The following LRP1B variants were observed in gnomAD, a reference collection of about 807,000 sequenced individuals.
LRP1B encodes low-density lipoprotein receptor-related protein 1B.
Under a neutral mutation model 556.6 loss-of-function variants are expected in LRP1B, and 217 were observed. The observed-to-expected ratio is 0.39, with a 90% CI of 0.35 to 0.44. The LOEUF (loss-of-function observed/expected upper bound fraction) is 0.44, where lower values mean the gene tolerates loss of function less well. Among genes scored for constraint, LRP1B ranks in the 20% least tolerant of loss-of-function variants. The pLI is 1.00. For missense variants in LRP1B, 5,053 were observed against 5,620.8 expected (o/e 0.90, Z 3.23); for synonymous variants, 2,047 against 1,865.8 (o/e 1.10, Z -2.50).
At chr2:140,668,203 G>A (rs979066230) in intron 41 of LRP1B, among the ~76,000 whole-genome samples, 1 of 151,400 alleles carries the variant, frequency 6.6e-6, no homozygotes, top group Admixed American at 6.6e-5. Flanking sequence ...CCAGCTGCTG[G>A]GGAGGCTGAG....
At position 141,263,087 on chromosome 2, in the gene LRP1B, C is replaced by A. The variant is rs368633170; in HGVS notation, c.344-8446G>T. Among the ~76,000 whole-genome samples the A allele has an allele frequency of 5.3e-5, 8 of 151,968 alleles. 1 individual carries two copies. In the East Asian group the frequency reaches 1.2e-3, roughly 22 times the overall value. On this transcript the variant is annotated intron_variant, in intron 3 of 90. Transcript: ENST00000389484. Reference sequence around the variant, plus strand: ...TTTTTCATGAGTTCCCTGCATATAGCTCTTCTACATATGTTGTTCAATTTA... The same window carrying A: ...TTTTTCATGAGTTCCCTGCATATAGATCTTCTACATATGTTGTTCAATTTA...
intron 11 of LRP1B, among the ~76,000 whole-genome samples, chr2:141,033,230 G>C (rs112084692): frequency 6.6e-6 from 1 of 152,018 alleles, no homozygotes; most frequent in South Asian, 2.1e-4. Context: ...AGGTGGCTAG[G>C]CAGAGAGAGC....
chr2:141,319,315 T>G lies in LRP1B; in HGVS notation c.344-64674A>C, dbSNP rs1045184627. ...AAAAGCAGTGTTTTTTTGTTGTTTT[T>G]TTTTTTTTTCCTACTCTTACTTGAA... is the stretch of plus-strand genomic sequence containing the variant. On this transcript the variant is annotated intron_variant, in intron 3 of 90. Transcript: ENST00000389484. Among the ~76,000 whole-genome samples the G allele has an allele frequency of 1.8e-4, 26 of 144,648 alleles. 1 individual carries two copies. The East Asian group carries it at 1.9e-3, about 11-fold the overall frequency. The allele number at this position is 144,648 out of a possible 152,430, so 94.9% of individuals were successfully genotyped here.
At chr2:140,362,611 T>C (rs185528296) in intron 72 of LRP1B, among the ~76,000 whole-genome samples, 1 of 151,730 alleles carries the variant, frequency 6.6e-6, no homozygotes, top group East Asian at 1.9e-4. Context: ...GAGTAAGCCA[T>C]GGTTTGCTCT....
chr2:141,853,238 C>T (rs1353240046), intron 1 of LRP1B, among the ~76,000 whole-genome samples: 3 of 151,304 alleles, frequency 2.0e-5, no homozygotes, highest in Non-Finnish European at 4.4e-5. Flanking sequence ...CATTTATTGA[C>T]GTATCTGGGA....
chr2:141,723,856 G>C (rs186225513), intron 2 of LRP1B, among the ~76,000 whole-genome samples: 2 of 151,180 alleles, frequency 1.3e-5, no homozygotes, highest in Admixed American at 6.6e-5. Flanking sequence ...AAAATCAAAA[G>C]GAAAAATATA....
intron 3 of LRP1B, among the ~76,000 whole-genome samples, chr2:141,309,714 G>A (rs1383257073): frequency 1.3e-5 from 2 of 152,098 alleles, no homozygotes; most frequent in African/African-American, 2.4e-5. Context: ...GGCCAGTTCG[G>A]GGGTAGAGGG....
chr2:140,289,825 CATTG>C lies in LRP1B; in HGVS notation c.12967+7979_12967+7982del, dbSNP rs947527525. Among the ~76,000 whole-genome samples, 50 of 152,086 alleles carry C rather than the reference CATTG, an allele frequency of 3.3e-4. 1 individual carries two copies. The highest frequency in any genetic ancestry group is 1.2e-3 in the African/African-American group (50 of 41,542). On this transcript the variant is annotated intron_variant, in intron 84 of 90. Transcript: ENST00000389484. ...AAAATATATGTATCTATTCCCTTCACATTGATTAAAATCTAATTTTATTTTTACA... is the reference window on the plus strand; with the variant it reads ...AAAATATATGTATCTATTCCCTTCACATTAAAATCTAATTTTATTTTTACA...
At chr2:140,934,611 T>G (rs1239531657) in intron 20 of LRP1B, among the ~76,000 whole-genome samples, 1 of 152,136 alleles carries the variant, frequency 6.6e-6, no homozygotes, top group East Asian at 1.9e-4. Flanking sequence ...CAATCAGGCC[T>G]GTATTCCTGG....
intron 66 of LRP1B, among the ~76,000 whole-genome samples, chr2:140,434,855 A>G (rs1426584638): frequency 2.0e-5 from 3 of 152,194 alleles, no homozygotes; most frequent in Admixed American, 6.5e-5. Flanking sequence ...TTTCATAGCG[A>G]AATCTAACAC....
At position 140,387,049 on chromosome 2, in the gene LRP1B, GAATTA is replaced by G. The variant is rs1183867749; in HGVS notation, c.10415-1045_10415-1041del. 2.6e-5 allele frequency among the ~76,000 whole-genome samples: 4 copies of G among 152,196 alleles called. No homozygotes were observed. The South Asian group carries it at 6.2e-4, about 24-fold the overall frequency. ...CAAGGTTCTAAAGTATCAAAATTATGAATTAAATAACACTAAAATGATAAAATTAT... is the reference window on the plus strand; with the variant it reads ...CAAGGTTCTAAAGTATCAAAATTATGAATAACACTAAAATGATAAAATTAT... On this transcript the variant is annotated intron_variant, in intron 66 of 90. Coordinates refer to ENST00000389484, the MANE Select transcript of LRP1B (RefSeq NM_018557.3).
chr2:140,524,538 A>C (rs1905927), intron 49 of LRP1B, among the ~76,000 whole-genome samples: 106,168 of 151,656 alleles, frequency 0.7, 37,876 homozygotes, highest in Middle Eastern at 0.86. Flanking sequence ...CAAATATATT[A>C]AATTAATGTA....
intron 1 of LRP1B, among the ~76,000 whole-genome samples, chr2:141,987,369 A>G (rs937480264): frequency 1.3e-5 from 2 of 151,836 alleles, no homozygotes; most frequent in African/African-American, 4.8e-5. Flanking sequence ...TTTGCATCTT[A>G]AGCTCACTGA....
At chr2:140,560,445 A>C (rs1383568776) in intron 43 of LRP1B, among the ~76,000 whole-genome samples, 1 of 152,194 alleles carries the variant, frequency 6.6e-6, no homozygotes, top group Non-Finnish European at 1.5e-5. Context: ...AAGCTTGGTC[A>C]AGGTTCTATA....
intron 1 of LRP1B, among the ~76,000 whole-genome samples, chr2:141,911,473 C>A (rs1170007030): frequency 1.3e-5 from 2 of 152,144 alleles, no homozygotes; most frequent in Non-Finnish European, 2.9e-5. Flanking sequence ...CTGTTAAGCT[C>A]AAAACCCAGC....
At chr2:141,778,732 T>C (rs545460249) in intron 2 of LRP1B, among the ~76,000 whole-genome samples, 2 of 152,352 alleles carry the variant, frequency 1.3e-5, no homozygotes, top group South Asian at 4.1e-4. Context: ...TTGGAACTTC[T>C]CTTCCTTGCT....
chr2:141,680,146 T>TGA (rs1421846162), intron 2 of LRP1B, among the ~76,000 whole-genome samples: 1 of 152,028 alleles, frequency 6.6e-6, no homozygotes, highest in Non-Finnish European at 1.5e-5. Context: ...TTCAATATAT[T>TGA]AAAGATATTT....
At chr2:140,383,035 T>A (rs1482607671) in intron 67 of LRP1B, among the ~76,000 whole-genome samples, 1 of 152,206 alleles carries the variant, frequency 6.6e-6, no homozygotes, top group Non-Finnish European at 1.5e-5. Context: ...GTCTGTACCA[T>A]CTATGTTTGT....
chr2:141,730,172 C>T (rs1693216966), intron 2 of LRP1B, among the ~76,000 whole-genome samples: 1 of 152,038 alleles, frequency 6.6e-6, no homozygotes, highest in Non-Finnish European at 1.5e-5. Context: ...AGCTGAAGCC[C>T]ACAGAGTCCA....
Sources: gnomAD v4.1 joint callset for allele counts (sites outside exome capture counted in the v4.1 genomes callset) on GRCh38, gnomAD v4.1.1 for gene constraint, MANE v1.5 for transcripts, NCBI Gene and HGNC (gene_info 2026-07-23, HGNC 2026-07-21) for gene names.